SLC35E3: variants seen among roughly 807,000 people sequenced by gnomAD.
The protein encoded by SLC35E3 is solute carrier family 35 member E3.
A neutral mutation model predicts 30.8 loss-of-function variants in SLC35E3; 28 were observed. That is an observed-to-expected ratio of 0.91 (90% confidence interval 0.67 to 1.25). SLC35E3 has a LOEUF of 1.25. Ranked by LOEUF, SLC35E3 falls within the 50% of genes most tolerant of loss-of-function variation. The probability of loss-of-function intolerance (pLI) is 0.00; values close to 1 mark genes in which losing one functional copy is unlikely to be tolerated. For missense variants in SLC35E3, 365 were observed against 375.4 expected, an observed-to-expected ratio of 0.97 and a Z score of 0.23; for synonymous variants, 146 against 149.2, an observed-to-expected ratio of 0.98 and a Z score of 0.16.
chr12:68,764,201 T>C (rs572258289), intron 4 of SLC35E3, among the ~76,000 whole-genome samples: 14 of 152,342 alleles, frequency 9.2e-5, no homozygotes, highest in African/African-American at 2.2e-4. Context: ...GTATCCCTTT[T>C]CTTTTTTGGA....
chr12:68,777,579 T>C lies in SLC35E3; in HGVS notation c.*12689T>C, dbSNP rs972733583. 2.0e-5 allele frequency: 3 copies of C among 152,354 alleles called. No individual in the cohort carries two copies. The East Asian group carries it at 5.8e-4, about 29-fold the overall frequency. The allele number at this position is 152,354 out of a possible 1,614,324, so 9.4% of individuals were successfully genotyped here. A position where few individuals can be genotyped will look rare whatever the true frequency, so the allele number is the denominator to read the frequency against. ...CATTATTTATCTCCCAACACAACTT[T>C]GGCCTCACCCTCTTCCCCAGCGTGA... On this transcript the variant is annotated 3_prime_UTR_variant, in exon 5 of 5. Coordinates refer to ENST00000398004, the MANE Select transcript of SLC35E3 (RefSeq NM_018656.5).
At chr12:68,756,741 C>T (rs951843258) in intron 3 of SLC35E3, among the ~76,000 whole-genome samples, 18 of 152,186 alleles carry the variant, frequency 1.2e-4, no homozygotes, top group Admixed American at 9.2e-4. Flanking sequence ...GTGGCTCACC[C>T]CTGTAATCCC....
At chr12:68,756,807 C>T (rs577126772) in intron 3 of SLC35E3, among the ~76,000 whole-genome samples, 1 of 152,102 alleles carries the variant, frequency 6.6e-6, no homozygotes, top group Non-Finnish European at 1.5e-5. Context: ...TGAGACTAGC[C>T]GAGACCATCC....
Position 68,776,192 on chromosome 12 carries a change from A to G in SLC35E3, c.*11302A>G, listed in dbSNP as rs1879738789. 1 of 141,820 alleles carries G rather than the reference A, an allele frequency of 7.1e-6. No individual in the cohort carries two copies. The highest frequency in any genetic ancestry group is 1.5e-5 in the Non-Finnish European group (1 of 65,302). The allele number at this position is 141,820 out of a possible 1,614,324, so 8.8% of individuals were successfully genotyped here. ...GCCATTACACTCCAGCCTGGGTGACAAGAGCAAAACTCTGTCTCACAAAAA... is the reference window on the plus strand; with the variant it reads ...GCCATTACACTCCAGCCTGGGTGACGAGAGCAAAACTCTGTCTCACAAAAA... On this transcript the variant is annotated 3_prime_UTR_variant, in exon 5 of 5. Transcript: ENST00000398004.
In SLC35E3 at chr12:68,776,687, AAAAG is replaced by A. The variant is rs1388445650; in HGVS notation, c.*11801_*11804del. The stretch of plus-strand genomic sequence containing the variant: ...GATGACAGAATGAAACTGTGTCTCA[AAAAG>A]AAAAAAAAAAACAAAAACTAGTAGC... On this transcript the variant is annotated 3_prime_UTR_variant, in exon 5 of 5. Coordinates refer to ENST00000398004, the MANE Select transcript of SLC35E3 (RefSeq NM_018656.5). 3.0e-5 allele frequency: 4 copies of A among 134,722 alleles called. No individual in the cohort carries two copies. Among genetic ancestry groups the A allele is most frequent in the Non-Finnish European group, 4.9e-5 (3 of 61,430 alleles). 8.3% of individuals were successfully genotyped at this position (134,722 alleles called of 1,614,324 possible).
In SLC35E3 at chr12:68,775,520, G is replaced by C. The variant is rs6581834; in HGVS notation, c.*10630G>C. 149,368 of 152,258 alleles carry C rather than the reference G, an allele frequency of 0.98. 73,278 individuals are homozygous for C. The highest frequency in any genetic ancestry group is 1 in the East Asian group (5,164 of 5,164). The allele number at this position is 152,258 out of a possible 1,614,324, so 9.4% of individuals were successfully genotyped here. ...GGTCTCTCTTCCTCTTCTTATAAAG[G>C]CACCAGTCTCACTGGGCAGAGCCTT... On this transcript the variant is annotated 3_prime_UTR_variant, in exon 5 of 5. Coordinates refer to ENST00000398004, the MANE Select transcript of SLC35E3 (RefSeq NM_018656.5).
rs1592531590 is a variant in SLC35E3 at position 68,746,750 on chromosome 12, A to C, written c.373A>C (p.Thr125Pro). Residue 125 changes from threonine (T) to proline (P), a missense_variant, in exon 1 of 5, where the codon ACC (threonine) becomes CCC (proline). Thr to Pro is a conservative substitution (Grantham distance 38). Coordinates refer to ENST00000398004, the MANE Select transcript of SLC35E3 (RefSeq NM_018656.5). ...CATCCAGACCTTCTGCTACCAGAAA[A>C]CCTTCTCCACCAGAATCCAGCTCAC... Reference protein sequence around the residue: ...IAIQTFCYQKTFSTRIQLTLI... With the variant: ...IAIQTFCYQKPFSTRIQLTLI... 6.3e-7 allele frequency: 1 copy of C among 1,594,010 alleles called. No homozygotes were observed. The highest frequency in any genetic ancestry group is 8.6e-7 in the Non-Finnish European group (1 of 1,167,408).
At position 68,759,242 on chromosome 12, in the gene SLC35E3, A is replaced by T; in HGVS notation, c.755+3A>T. 6.2e-7 allele frequency: 1 copy of T among 1,602,928 alleles called. No homozygotes were observed. Among genetic ancestry groups the T allele is most frequent in the South Asian group, 1.1e-5 (1 of 89,912 alleles). On this transcript the variant is annotated splice_donor_region_variant and intron_variant, in intron 4 of 4. Coordinates refer to ENST00000398004, the MANE Select transcript of SLC35E3 (RefSeq NM_018656.5). ...ATTGGGAACACTTCACCTGTCACGTATCCTTTTCATATAACTTAGAAATGC... is the reference window on the plus strand; with the variant it reads ...ATTGGGAACACTTCACCTGTCACGTTTCCTTTTCATATAACTTAGAAATGC...
Position 68,776,901 on chromosome 12 carries a change from CT to C in SLC35E3, c.*12013del. The C allele has an allele frequency of 6.6e-6, 1 of 152,338 alleles. No individual in the cohort carries two copies. The highest frequency in any genetic ancestry group is 1.5e-5 in the Non-Finnish European group (1 of 68,092). 9.4% of individuals were successfully genotyped at this position (152,338 alleles called of 1,614,324 possible). On this transcript the variant is annotated 3_prime_UTR_variant, in exon 5 of 5. Coordinates refer to ENST00000398004, the MANE Select transcript of SLC35E3 (RefSeq NM_018656.5). Reference sequence around the variant, plus strand: ...CCAAGTGGGAGGTGGTCTACCTGCCCTTCACCATCATCTTTGTGCTCTCTGA... The same window carrying C: ...CCAAGTGGGAGGTGGTCTACCTGCCCTCACCATCATCTTTGTGCTCTCTGA...
intron 3 of SLC35E3, among the ~76,000 whole-genome samples, chr12:68,754,462 T>A (rs563513228): frequency 3.4e-4 from 52 of 152,046 alleles, no homozygotes; most frequent in Non-Finnish European, 2.6e-4. Flanking sequence ...TTTTTTGTAT[T>A]TTTGATAGAG....
At position 68,767,190 on chromosome 12, in the gene SLC35E3, C is replaced by T; in HGVS notation, c.*2300C>T. On this transcript the variant is annotated 3_prime_UTR_variant, in exon 5 of 5. Transcript: ENST00000398004. The stretch of plus-strand genomic sequence containing the variant: ...TTTCTGCTTTTCATCTTCTTGACAT[C>T]TGAATATTAAAAGCAGTTGTTGATA... 6.6e-6 allele frequency: 1 copy of T among 152,264 alleles called. No homozygotes were observed. The highest frequency in any genetic ancestry group is 1.9e-4 in the East Asian group (1 of 5,200). The allele number at this position is 152,264 out of a possible 1,614,324, so 9.4% of individuals were successfully genotyped here.
chr12:68,764,233 C>T (rs1879312204), intron 4 of SLC35E3, among the ~76,000 whole-genome samples: 1 of 152,182 alleles, frequency 6.6e-6, no homozygotes, highest in South Asian at 2.1e-4. Flanking sequence ...ATGGTTGAGG[C>T]AGTCTTGTGT....
At position 68,779,254 on chromosome 12, in the gene SLC35E3, G is replaced by A. The variant is rs1879823228; in HGVS notation, c.*14364G>A. 6.6e-6 allele frequency: 1 copy of A among 152,206 alleles called. No individual in the cohort carries two copies. The highest frequency in any genetic ancestry group is 1.5e-5 in the Non-Finnish European group (1 of 68,054). 9.4% of individuals were successfully genotyped at this position (152,206 alleles called of 1,614,324 possible). On this transcript the variant is annotated 3_prime_UTR_variant, in exon 5 of 5. Coordinates refer to ENST00000398004, the MANE Select transcript of SLC35E3 (RefSeq NM_018656.5). Reference sequence around the variant, plus strand: ...CTGCCTCAGCCTCCTGAGTAACTGGGACTATAGGTATGCCCTACCATGTGT... The same window carrying A: ...CTGCCTCAGCCTCCTGAGTAACTGGAACTATAGGTATGCCCTACCATGTGT...
At chr12:68,748,525 C>T (rs144443812) in intron 2 of SLC35E3, among the ~76,000 whole-genome samples, 1 of 151,696 alleles carries the variant, frequency 6.6e-6, no homozygotes, top group Non-Finnish European at 1.5e-5. Flanking sequence ...TAGATTATTA[C>T]AATATTATAC....
intron 4 of SLC35E3, among the ~76,000 whole-genome samples, chr12:68,763,365 TTG>T (rs754969282): frequency 1.4e-4 from 21 of 150,752 alleles, no homozygotes; most frequent in African/African-American, 4.1e-4. Flanking sequence ...ATATAAGTAA[TTG>T]TGTGTGTGTG....
At chr12:68,750,642 T>C (rs2136067249) in intron 2 of SLC35E3, among the ~76,000 whole-genome samples, 1 of 152,232 alleles carries the variant, frequency 6.6e-6, no homozygotes, top group South Asian at 2.1e-4. Flanking sequence ...TTCCAGGCAG[T>C]CCTGTGGCGA....
chr12:68,758,458 G>C lies in SLC35E3; in HGVS notation c.673-699G>C, dbSNP rs138436634. 8.3e-3 allele frequency among the ~76,000 whole-genome samples: 1,254 copies of C among 151,898 alleles called. 21 individuals carry two copies. The highest frequency in any genetic ancestry group is 0.029 in the African/African-American group (1,206 of 41,448). On this transcript the variant is annotated intron_variant, in intron 3 of 4. Coordinates refer to ENST00000398004, the MANE Select transcript of SLC35E3 (RefSeq NM_018656.5). Reference sequence around the variant, plus strand: ...AAAGATCTCGAAGGAGGTATGCCGAGATGTTAATGTGTGGGTGGTTGGGAT... The same window carrying C: ...AAAGATCTCGAAGGAGGTATGCCGACATGTTAATGTGTGGGTGGTTGGGAT...
At chr12:68,758,842 T>C (rs796748611) in intron 3 of SLC35E3, among the ~76,000 whole-genome samples, 57 of 139,392 alleles carry the variant, frequency 4.1e-4, no homozygotes, top group African/African-American at 8.6e-4. Flanking sequence ...TCCAGGTTCA[T>C]GCCATTCTCC....
In SLC35E3 at chr12:68,770,488, A is replaced by C. The variant is rs556786843; in HGVS notation, c.*5598A>C. 1.3e-5 allele frequency: 2 copies of C among 152,596 alleles called. No individual in the cohort carries two copies. The highest frequency in any genetic ancestry group is 2.9e-5 in the Non-Finnish European group (2 of 68,196). 9.5% of individuals were successfully genotyped at this position (152,596 alleles called of 1,614,324 possible). On this transcript the variant is annotated 3_prime_UTR_variant, in exon 5 of 5. Coordinates refer to ENST00000398004, the MANE Select transcript of SLC35E3 (RefSeq NM_018656.5). ...GGAAATAATTGAGTAGCTGGAGTCA[A>C]CTGGACTGGAGATGGATTGGAAATG... is the stretch of plus-strand genomic sequence containing the variant.
Sources: allele counts gnomAD v4.1 joint callset (sites outside exome capture counted in the v4.1 genomes callset), GRCh38; gene constraint gnomAD v4.1.1; transcripts MANE v1.5; gene names NCBI Gene and HGNC (gene_info 2026-07-23, HGNC 2026-07-21).